The following RNF144B variants were observed in gnomAD, a reference collection of about 807,000 sequenced individuals.
The protein encoded by RNF144B is ring finger protein 144B.
Under a neutral mutation model 40.2 loss-of-function variants are expected in RNF144B, and 25 were observed. The ratio of observed to expected loss-of-function variants is 0.62; its 90% confidence interval spans 0.45 to 0.87. RNF144B has a LOEUF of 0.87. Ranked by LOEUF, RNF144B falls within the 40% of genes least tolerant of loss-of-function variation. The probability of loss-of-function intolerance (pLI) is 0.00; values close to 1 mark genes in which losing one functional copy is unlikely to be tolerated. For synonymous variants in RNF144B, 145 were observed against 136.3 expected (o/e 1.06, Z -0.44); for missense variants, 365 against 373.7 (o/e 0.98, Z 0.19).
At chr6:18,401,005 G>A (rs942508874) in intron 2 of RNF144B, among the ~76,000 whole-genome samples, 7 of 152,286 alleles carry the variant, frequency 4.6e-5, no homozygotes, top group Non-Finnish European at 8.8e-5. Context: ...TCTGAAGGCT[G>A]TCCTTCAAAA....
rs1309164849 is a variant in RNF144B, at chr6:18,459,421, A to G, written c.537-186A>G. Among the ~76,000 whole-genome samples the G allele has an allele frequency of 1.3e-5, 2 of 152,230 alleles. No individual in the cohort carries two copies. The highest frequency in any genetic ancestry group is 4.8e-5 in the African/African-American group (2 of 41,452). On this transcript the variant is annotated intron_variant, in intron 5 of 7. Transcript: ENST00000259939. The surrounding 1 kb of genome is among the most constrained non-coding windows in gnomAD (Gnocchi z 4.2). ...TAATTATATAATTCACTGAAAGCCAAAATAAATAAAGATTCCTTCTTGTAT... is the reference window on the plus strand; with the variant it reads ...TAATTATATAATTCACTGAAAGCCAGAATAAATAAAGATTCCTTCTTGTAT...
Position 18,457,456 on chromosome 6 carries a change from A to G in RNF144B, c.536+97A>G, listed in dbSNP as rs1759355905. The G allele has an allele frequency of 1.1e-6, 1 of 934,852 alleles. No individual in the cohort carries two copies. Among genetic ancestry groups the G allele is most frequent in the African/African-American group, 1.6e-5 (1 of 61,786 alleles). 57.9% of individuals were successfully genotyped at this position (934,852 alleles called of 1,614,324 possible). ...AAGGAGTTACGTTGTGATGGCGTTT[A>G]GAGATTGGTTATTTTCCTGCAGAAC... On this transcript the variant is annotated intron_variant, in intron 5 of 7. Transcript: ENST00000259939. The surrounding 1 kb of genome is among the most constrained non-coding windows in gnomAD (Gnocchi z 5.1).
Position 18,415,475 on chromosome 6 carries a change from C to T in RNF144B, c.166-12106C>T, listed in dbSNP as rs569404545. ...CAGAAGAGATGGAAGGGCAAGAGAG[C>T]ACTCCCTTTAACCTTGAGCCCTTTC... is the stretch of plus-strand genomic sequence containing the variant. On this transcript the variant is annotated intron_variant, in intron 2 of 7. Transcript: ENST00000259939. 3.9e-5 allele frequency among the ~76,000 whole-genome samples: 6 copies of T among 152,264 alleles called. No individual in the cohort carries two copies. In the East Asian group the frequency reaches 7.7e-4, roughly 20 times the overall value.
At chr6:18,433,956 A>T (rs1180611660) in intron 3 of RNF144B, among the ~76,000 whole-genome samples, 1 of 152,198 alleles carries the variant, frequency 6.6e-6, no homozygotes, top group East Asian at 1.9e-4. Context: ...GGATTTTGCA[A>T]GTCATAGCAT....
rs117001000 is a variant in RNF144B at position 18,457,587 on chromosome 6, G to A, written c.536+228G>A. On this transcript the variant is annotated intron_variant, in intron 5 of 7. Transcript: ENST00000259939. The surrounding 1 kb of genome is among the most constrained non-coding windows in gnomAD (Gnocchi z 5.1). ...ATATTGCTGGAATTAAAGTTTGTAT[G>A]AGTTTTGCTTTCTCTTTAGGTAGTG... Among the ~76,000 whole-genome samples, 57 of 152,250 alleles carry A rather than the reference G, an allele frequency of 3.7e-4. 1 individual carries two copies. The East Asian group carries it at 0.01, about 27-fold the overall frequency.
intron 4 of RNF144B, among the ~76,000 whole-genome samples, chr6:18,440,086 C>A (rs1758925385): frequency 6.6e-6 from 1 of 152,120 alleles, no homozygotes; most frequent in Non-Finnish European, 1.5e-5. Flanking sequence ...ATTTTCGATT[C>A]TTGAAGATCA....
At position 18,402,507 on chromosome 6, in the gene RNF144B, G is replaced by A. The variant is rs1167525500; in HGVS notation, c.165+2808G>A. On this transcript the variant is annotated intron_variant, in intron 2 of 7. Transcript: ENST00000259939. The stretch of plus-strand genomic sequence containing the variant: ...ATGTTCCATGGTCAAATTAGCTTGG[G>A]AACTGCAATGTTCTTCTGTTCCTTT... Among the ~76,000 whole-genome samples the A allele has an allele frequency of 3.4e-5, 3 of 87,950 alleles. 1 individual carries two copies. Among genetic ancestry groups the A allele is most frequent in the Non-Finnish European group, 8.0e-5 (3 of 37,416 alleles). The allele number at this position is 87,950 out of a possible 152,430, so 57.7% of individuals were successfully genotyped here. A position where few individuals can be genotyped will look rare whatever the true frequency, so the allele number is the denominator to read the frequency against.
Position 18,416,734 on chromosome 6 carries a change from A to G in RNF144B, c.166-10847A>G, listed in dbSNP as rs910871701. On this transcript the variant is annotated intron_variant, in intron 2 of 7. Coordinates refer to ENST00000259939, the MANE Select transcript of RNF144B (RefSeq NM_182757.4). The surrounding 1 kb of genome is among the most constrained non-coding windows in gnomAD (Gnocchi z 5.5). ...AGCTTCCTTTGCTGTTTCTTTTGGA[A>G]CTAGCTGAATGCTTGTATTCTCTAT... Among the ~76,000 whole-genome samples the G allele has an allele frequency of 6.6e-6, 1 of 152,178 alleles. No homozygotes were observed. Among genetic ancestry groups the G allele is most frequent in the Non-Finnish European group, 1.5e-5 (1 of 68,030 alleles).
rs905171790 is a variant in RNF144B, at chr6:18,398,029, A to C, written c.-36-1470A>C. Among the ~76,000 whole-genome samples, 1 of 152,040 alleles carries C rather than the reference A, an allele frequency of 6.6e-6. No individual in the cohort carries two copies. The highest frequency in any genetic ancestry group is 1.5e-5 in the Non-Finnish European group (1 of 68,018). On this transcript the variant is annotated intron_variant, in intron 1 of 7. Coordinates refer to ENST00000259939, the MANE Select transcript of RNF144B (RefSeq NM_182757.4). The surrounding 1 kb of genome is among the most constrained non-coding windows in gnomAD (Gnocchi z 5.0). ...GAGGTGGAGTCGGGAGGGTCATGTC[A>C]GTCCAGGAGTTCGAGGCTGCAGTGA...
chr6:18,459,947 C>T lies in RNF144B; in HGVS notation c.681+196C>T, dbSNP rs914389437. ...CTTTTTGATGACCTTACATATGCCA[C>T]CCTGGTGTTAAAGGCAAGCTTTTGT... is the stretch of plus-strand genomic sequence containing the variant. On this transcript the variant is annotated intron_variant, in intron 6 of 7. Coordinates refer to ENST00000259939, the MANE Select transcript of RNF144B (RefSeq NM_182757.4). The surrounding 1 kb of genome is among the most constrained non-coding windows in gnomAD (Gnocchi z 4.2). 6.6e-6 allele frequency among the ~76,000 whole-genome samples: 1 copy of T among 152,168 alleles called. No individual in the cohort carries two copies. Among genetic ancestry groups the T allele is most frequent in the African/African-American group, 2.4e-5 (1 of 41,432 alleles).
At chr6:18,403,019 A>G (rs1327565768) in intron 2 of RNF144B, among the ~76,000 whole-genome samples, 1 of 152,196 alleles carries the variant, frequency 6.6e-6, no homozygotes, top group Non-Finnish European at 1.5e-5. Context: ...AAAAAGATGT[A>G]GCATAATTAC....
chr6:18,447,697 T>C lies in RNF144B; in HGVS notation c.331+7953T>C, dbSNP rs1759113574. 2.0e-5 allele frequency among the ~76,000 whole-genome samples: 3 copies of C among 152,260 alleles called. No individual in the cohort carries two copies. The highest frequency in any genetic ancestry group is 4.8e-5 in the African/African-American group (2 of 41,544). ...AGGTGGAACTGTCAGGATTTCCTGGTAGAGATACATCTGGATTATATGAGT... is the reference window on the plus strand; with the variant it reads ...AGGTGGAACTGTCAGGATTTCCTGGCAGAGATACATCTGGATTATATGAGT... On this transcript the variant is annotated intron_variant, in intron 4 of 7. Transcript: ENST00000259939. The surrounding 1 kb of genome is among the most constrained non-coding windows in gnomAD (Gnocchi z 5.6).
At chr6:18,396,414 T>TA in intron 1 of RNF144B, 1 of 979,604 alleles carries the variant, frequency 1.0e-6, no homozygotes. Context: ...TATTTCCTTC[T>TA]AAAAAAATAA....
chr6:18,453,074 A>G (rs1480438457), intron 4 of RNF144B, among the ~76,000 whole-genome samples: 3 of 150,326 alleles, frequency 2.0e-5, no homozygotes, highest in Non-Finnish European at 4.4e-5. Flanking sequence ...GGAGTGAGCC[A>G]CTGTGCCTGG....
intron 4 of RNF144B, 68 bp downstream of exon 4, chr6:18,439,812 C>T: frequency 9.4e-7 from 1 of 1,069,060 alleles, no homozygotes; most frequent in Non-Finnish European, 1.5e-6. Context: ...CACTAACCCA[C>T]ATGGAAGATA....
chr6:18,421,303 CACACACACACACAT>C (rs999443875), intron 2 of RNF144B, among the ~76,000 whole-genome samples: 11 of 117,696 alleles, frequency 9.3e-5, no homozygotes, highest in African/African-American at 3.3e-4. Context: ...CACACACACA[CACACACACACACAT>C]ATATATAAAA....
chr6:18,399,433 G>C (rs977740166), intron 1 of RNF144B, 66 bp from the exon 2 acceptor site: 2 of 1,152,852 alleles, frequency 1.7e-6, no homozygotes, highest in Non-Finnish European at 2.4e-6. Context: ...CTGGCCTCCA[G>C]ACGTGTTGGC....
rs1254970065 is a variant in RNF144B at position 18,460,280 on chromosome 6, A to C, written c.681+529A>C. Among the ~76,000 whole-genome samples the C allele has an allele frequency of 1.3e-5, 2 of 152,116 alleles. No individual in the cohort carries two copies. Among genetic ancestry groups the C allele is most frequent in the Non-Finnish European group, 2.9e-5 (2 of 68,030 alleles). ...CCATCTTCAAAGCCAGCAACATCAG[A>C]TCTCTCACTCCCTTCTTTCTTAGTC... On this transcript the variant is annotated intron_variant, in intron 6 of 7. Transcript: ENST00000259939. The surrounding 1 kb of genome is among the most constrained non-coding windows in gnomAD (Gnocchi z 4.4).
In RNF144B at chr6:18,447,569, A is replaced by T. The variant is rs2113524409; in HGVS notation, c.331+7825A>T. 2.0e-5 allele frequency among the ~76,000 whole-genome samples: 3 copies of T among 152,188 alleles called. 1 individual carries two copies. In the East Asian group the frequency reaches 5.8e-4, roughly 29 times the overall value. On this transcript the variant is annotated intron_variant, in intron 4 of 7. Transcript: ENST00000259939. The surrounding 1 kb of genome is among the most constrained non-coding windows in gnomAD (Gnocchi z 5.6). The stretch of plus-strand genomic sequence containing the variant: ...AATGGAATGACATGGCAGCAGGGAG[A>T]TTTATTAGGAGGCTGTGGTAGTGAT...
Sources: gnomAD v4.1 joint callset for allele counts (sites outside exome capture counted in the v4.1 genomes callset) on GRCh38, gnomAD v4.1.1 for gene constraint, Gnocchi (gnomAD v3.1) non-coding constraint, MANE v1.5 for transcripts, NCBI Gene and HGNC (gene_info 2026-07-23, HGNC 2026-07-21) for gene names.